The following ATG5 variants were observed in gnomAD, a reference collection of about 807,000 sequenced individuals.
ATG5 encodes the protein autophagy related 5.
Under a neutral mutation model 36.5 loss-of-function variants are expected in ATG5, and 14 were observed. The observed-to-expected ratio is 0.38, with a 90% CI of 0.25 to 0.60. The LOEUF (loss-of-function observed/expected upper bound fraction) is 0.60. Ranked by LOEUF, ATG5 falls within the 20% of genes least tolerant of loss-of-function variation. The pLI is 0.60. For synonymous variants in ATG5, 95 were observed against 101.5 expected, an observed-to-expected ratio of 0.94 and a Z score of 0.38; for missense variants, 195 against 326.7, an observed-to-expected ratio of 0.60 and a Z score of 3.11.
intron 7 of ATG5, 48 bp from the exon 8 acceptor site, chr6:106,186,724 A>C: frequency 6.3e-7 from 1 of 1,593,534 alleles, no homozygotes. Flanking sequence ...AAACAGTTGA[A>C]GAAAAAATAA....
intron 6 of ATG5, among the ~76,000 whole-genome samples, chr6:106,215,067 GAA>G (rs1245488733): frequency 1.3e-5 from 2 of 152,114 alleles, no homozygotes; most frequent in Non-Finnish European, 2.9e-5. Context: ...AATACAAAAA[GAA>G]TGTAATTAAT....
At chr6:106,288,772 T>G (rs1780185369) in intron 4 of ATG5, among the ~76,000 whole-genome samples, 1 of 152,210 alleles carries the variant, frequency 6.6e-6, no homozygotes, top group East Asian at 1.9e-4. Context: ...CATTAAAGTT[T>G]GAAAATCACT....
chr6:106,306,157 T>C (rs948246434), intron 3 of ATG5, among the ~76,000 whole-genome samples: 1 of 152,222 alleles, frequency 6.6e-6, no homozygotes, highest in African/African-American at 2.4e-5. Flanking sequence ...AATAAAAGAC[T>C]TTCCAAAGGG....
At chr6:106,231,155 C>T (rs943150839) in intron 6 of ATG5, among the ~76,000 whole-genome samples, 1 of 152,174 alleles carries the variant, frequency 6.6e-6, no homozygotes, top group Admixed American at 6.5e-5. Context: ...AGCCAGAGTG[C>T]ACGTACCTTT....
At chr6:106,320,484 T>G (rs1434786983) in intron 1 of ATG5, among the ~76,000 whole-genome samples, 1 of 152,102 alleles carries the variant, frequency 6.6e-6, no homozygotes, top group African/African-American at 2.4e-5. Flanking sequence ...GAGAGTAGTA[T>G]TAATAGATAA....
intron 3 of ATG5, among the ~76,000 whole-genome samples, chr6:106,300,154 T>C (rs575891281): frequency 3.9e-5 from 6 of 152,312 alleles, no homozygotes; most frequent in East Asian, 1.9e-4. Flanking sequence ...ACAGAATACA[T>C]TGTTAACTCC....
chr6:106,262,920 A>G lies in ATG5; in HGVS notation c.479-14676T>C, dbSNP rs376815915. Among the ~76,000 whole-genome samples the G allele has an allele frequency of 2.6e-5, 4 of 152,174 alleles. No homozygotes were observed. In the East Asian group the frequency reaches 5.8e-4, roughly 22 times the overall value. The stretch of plus-strand genomic sequence containing the variant: ...GTTTCAAGCACAAAACTGGGCAGCC[A>G]TTTGGGCAGACACCGAGCTAGCTGC... On this transcript the variant is annotated intron_variant, in intron 5 of 7. Transcript: ENST00000369076.
At chr6:106,259,673 A>G (rs1778935119) in intron 5 of ATG5, among the ~76,000 whole-genome samples, 2 of 152,334 alleles carry the variant, frequency 1.3e-5, no homozygotes, top group Middle Eastern at 3.4e-3. Flanking sequence ...CATCTTTCAA[A>G]AAATATGTAA....
chr6:106,188,893 C>A (rs899229131), intron 7 of ATG5, among the ~76,000 whole-genome samples: 1 of 152,156 alleles, frequency 6.6e-6, no homozygotes, highest in African/African-American at 2.4e-5. Flanking sequence ...AAATATCTCA[C>A]CGGCATTTAT....
chr6:106,243,587 T>G (rs1778211001), intron 6 of ATG5, among the ~76,000 whole-genome samples: 1 of 148,696 alleles, frequency 6.7e-6, no homozygotes, highest in Non-Finnish European at 1.5e-5. Flanking sequence ...TTCCAGCACT[T>G]TGGGAGGCTG....
chr6:106,207,543 A>AAAAGAAAG (rs560831668), intron 6 of ATG5, among the ~76,000 whole-genome samples: 1 of 151,866 alleles, frequency 6.6e-6, no homozygotes, highest in African/African-American at 2.4e-5. Context: ...TCTTAAAAAA[A>AAAAGAAAG]AAAGAAAGAA....
chr6:106,186,350 A>G lies in ATG5; in HGVS notation c.*190T>C. ...GAGGTTTAATGATGGCAGTGGAGGA[A>G]AGCAGAGGTGATGCAAAGTAAGACC... On this transcript the variant is annotated 3_prime_UTR_variant, in exon 8 of 8. Coordinates refer to ENST00000369076, the MANE Select transcript of ATG5 (RefSeq NM_004849.4). 3.4e-6 allele frequency: 2 copies of G among 592,432 alleles called. No homozygotes were observed. Among genetic ancestry groups the G allele is most frequent in the South Asian group, 2.4e-5 (1 of 41,818 alleles). 36.7% of individuals were successfully genotyped at this position (592,432 alleles called of 1,614,324 possible). A position where few individuals can be genotyped will look rare whatever the true frequency, so the allele number is the denominator to read the frequency against.
chr6:106,310,038 G>C (rs894574831), intron 2 of ATG5, among the ~76,000 whole-genome samples: 11 of 152,004 alleles, frequency 7.2e-5, no homozygotes, highest in African/African-American at 2.7e-4. Flanking sequence ...ACTCACAAAT[G>C]ATTTTTATGA....
At chr6:106,315,933 G>C (rs1179089973) in intron 2 of ATG5, among the ~76,000 whole-genome samples, 168 bp downstream of exon 2, 1 of 152,198 alleles carries the variant, frequency 6.6e-6, no homozygotes, top group African/African-American at 2.4e-5. Flanking sequence ...GGTAGCATTA[G>C]AGGTGATTAT....
Position 106,256,192 on chromosome 6 carries a change from T to C in ATG5, c.479-7948A>G, listed in dbSNP as rs1461013051. ...TAATTCTCTCTTTAATACAAATCCT[T>C]TATGCTTCTGGAGAGAAAGTGTAAA... On this transcript the variant is annotated intron_variant, in intron 5 of 7. Transcript: ENST00000369076. Among the ~76,000 whole-genome samples, 3 of 150,680 alleles carry C rather than the reference T, an allele frequency of 2.0e-5. No homozygotes were observed. In the East Asian group the frequency reaches 5.8e-4, roughly 29 times the overall value.
At chr6:106,254,894 T>TG (rs1187428412) in intron 5 of ATG5, among the ~76,000 whole-genome samples, 1 of 152,210 alleles carries the variant, frequency 6.6e-6, no homozygotes, top group Non-Finnish European at 1.5e-5. Context: ...TGTTGCCTGT[T>TG]GGAGTTATGC....
intron 6 of ATG5, among the ~76,000 whole-genome samples, chr6:106,247,327 AT>A (rs1250917598): frequency 2.6e-5 from 4 of 152,350 alleles, no homozygotes; most frequent in South Asian, 2.1e-4. Context: ...CATTAAAAAA[AT>A]ATTTAATATT....
intron 6 of ATG5, among the ~76,000 whole-genome samples, chr6:106,242,415 A>G (rs1446692439): frequency 6.6e-6 from 1 of 152,232 alleles, no homozygotes; most frequent in Non-Finnish European, 1.5e-5. Flanking sequence ...TGTCAAATCC[A>G]TAAAGTAGAA....
chr6:106,310,872 A>G (rs542706544), intron 2 of ATG5, among the ~76,000 whole-genome samples: 39 of 152,164 alleles, frequency 2.6e-4, no homozygotes, highest in Non-Finnish European at 5.0e-4. Context: ...TTTACTTTGA[A>G]TAAGATTAAC....
Sources: allele counts gnomAD v4.1 joint callset (sites outside exome capture counted in the v4.1 genomes callset), GRCh38; gene constraint gnomAD v4.1.1; transcripts MANE v1.5; gene names NCBI Gene and HGNC (gene_info 2026-07-23, HGNC 2026-07-21).